The following PDHX variants were observed in gnomAD, a reference collection of about 807,000 sequenced individuals.
The protein encoded by PDHX is pyruvate dehydrogenase complex component X.
In PDHX, 33 loss-of-function variants were observed where a neutral mutation model predicts 55.3. The observed-to-expected ratio is 0.60, with a 90% confidence interval of 0.45 to 0.80. The LOEUF (loss-of-function observed/expected upper bound fraction) is 0.80, where lower values mean the gene tolerates loss of function less well. Among genes scored for constraint, PDHX ranks in the 30% least tolerant of loss-of-function variants. The pLI is 0.00. For synonymous variants in PDHX, 226 were observed against 219.4 expected (o/e 1.03, Z -0.27); for missense variants, 622 against 619.9 (o/e 1.00, Z -0.04).
intron 7 of PDHX, among the ~76,000 whole-genome samples, chr11:34,974,810 A>C (rs1383155675): frequency 1.3e-5 from 2 of 152,170 alleles, no homozygotes; most frequent in East Asian, 3.8e-4. Flanking sequence ...TGGGAGACTG[A>C]GGTGGGAGGA....
chr11:34,992,204 C>A lies in PDHX; in HGVS notation c.1183-111C>A, dbSNP rs779796364. On this transcript the variant is annotated intron_variant, in intron 9 of 10. Coordinates refer to ENST00000227868, the MANE Select transcript of PDHX (RefSeq NM_003477.3). ...ATTATTTTTATATAGGTAACAAAAT[C>A]AAATCAAGGCATATCAGAGATGAGA... is the stretch of plus-strand genomic sequence containing the variant. The A allele has an allele frequency of 1.1e-3, 679 of 645,362 alleles. 2 individuals carry two copies. Among genetic ancestry groups the A allele is most frequent in the Non-Finnish European group, 1.1e-3 (392 of 355,034 alleles). The allele number at this position is 645,362 out of a possible 1,614,324, so 40.0% of individuals were successfully genotyped here.
chr11:34,959,318 T>A (rs557888827), intron 4 of PDHX, among the ~76,000 whole-genome samples: 14 of 152,202 alleles, frequency 9.2e-5, no homozygotes, highest in African/African-American at 3.4e-4. Context: ...ATGAAAAATA[T>A]GTTCACCGTC....
intron 7 of PDHX, chr11:34,977,917 C>G: frequency 1.7e-6 from 1 of 597,526 alleles, no homozygotes; most frequent in Non-Finnish European, 3.1e-6. Context: ...AGTAAACTTA[C>G]ATTCATGGTT....
chr11:34,947,015 C>T (rs1161625495), intron 2 of PDHX, among the ~76,000 whole-genome samples: 1 of 151,682 alleles, frequency 6.6e-6, no homozygotes, highest in East Asian at 1.9e-4. Flanking sequence ...TTGATTTTCT[C>T]TTTTTATGCT....
chr11:34,930,759 A>G (rs1307901275), intron 1 of PDHX, among the ~76,000 whole-genome samples: 1 of 152,238 alleles, frequency 6.6e-6, no homozygotes, highest in Non-Finnish European at 1.5e-5. Flanking sequence ...TTTGAGGTCT[A>G]CTTCTCTGGA....
intron 2 of PDHX, among the ~76,000 whole-genome samples, chr11:34,942,655 G>T (rs1854516374): frequency 6.6e-6 from 1 of 152,096 alleles, no homozygotes; most frequent in African/African-American, 2.4e-5. Flanking sequence ...GTTTTCTTTT[G>T]GCATTTACAT....
chr11:34,918,636 A>G (rs1853802642), intron 1 of PDHX, among the ~76,000 whole-genome samples: 1 of 152,170 alleles, frequency 6.6e-6, no homozygotes, highest in Non-Finnish European at 1.5e-5. Flanking sequence ...AGGAAAGCCA[A>G]ATTAGTTTTC....
chr11:34,981,358 C>G (rs1386385406), intron 8 of PDHX, among the ~76,000 whole-genome samples: 1 of 152,200 alleles, frequency 6.6e-6, no homozygotes, highest in African/African-American at 2.4e-5. Flanking sequence ...GCATAGTATT[C>G]CATGGTGTAT....
chr11:34,920,729 T>C (rs1298124904), intron 1 of PDHX, among the ~76,000 whole-genome samples: 1 of 152,206 alleles, frequency 6.6e-6, no homozygotes, highest in Non-Finnish European at 1.5e-5. Flanking sequence ...GGTATTTGCA[T>C]CACCTCTAGT....
At chr11:34,975,191 T>TC (rs35176869) in intron 7 of PDHX, among the ~76,000 whole-genome samples, 106,482 of 151,876 alleles carry the variant, frequency 0.7, 37,521 homozygotes, top group Middle Eastern at 0.77. Flanking sequence ...TTCAAGATTT[T>TC]TGCATTACCA....
At chr11:34,954,904 T>C (rs1219926273) in intron 3 of PDHX, among the ~76,000 whole-genome samples, 2 of 152,194 alleles carry the variant, frequency 1.3e-5, no homozygotes, top group African/African-American at 4.8e-5. Context: ...TAAGGTCACA[T>C]AACTAGTAAG....
At chr11:34,959,171 G>T (rs1854966369) in intron 4 of PDHX, among the ~76,000 whole-genome samples, 1 of 151,574 alleles carries the variant, frequency 6.6e-6, no homozygotes, top group South Asian at 2.1e-4. Flanking sequence ...GTAATCTGAG[G>T]TATCCTATAT....
chr11:34,940,216 G>A (rs531299448), intron 2 of PDHX, among the ~76,000 whole-genome samples: 1 of 152,134 alleles, frequency 6.6e-6, no homozygotes, highest in African/African-American at 2.4e-5. Context: ...CACCCACAGT[G>A]CCTAGAATGT....
chr11:34,953,460 A>G (rs1854827443), intron 3 of PDHX, among the ~76,000 whole-genome samples: 1 of 152,354 alleles, frequency 6.6e-6, no homozygotes, highest in Non-Finnish European at 1.5e-5. Context: ...GGCTACAGTA[A>G]CCAAAACAGC....
intron 1 of PDHX, among the ~76,000 whole-genome samples, chr11:34,930,571 G>C (rs1465423094): frequency 6.6e-6 from 1 of 152,168 alleles, no homozygotes; most frequent in Non-Finnish European, 1.5e-5. Flanking sequence ...AAAGCTATAG[G>C]GGATGGACGT....
At chr11:34,973,123 T>G (rs553729470) in intron 7 of PDHX, among the ~76,000 whole-genome samples, 16 of 152,310 alleles carry the variant, frequency 1.1e-4, no homozygotes, top group African/African-American at 3.6e-4. Flanking sequence ...GATCTATTAT[T>G]GGCCACATAC....
intron 4 of PDHX, among the ~76,000 whole-genome samples, chr11:34,959,654 A>G (rs1264133223): frequency 6.6e-6 from 1 of 152,106 alleles, no homozygotes; most frequent in Non-Finnish European, 1.5e-5. Flanking sequence ...TGTTCATAGC[A>G]ACATTATTCA....
At chr11:34,918,829 AG>A (rs1046779703) in intron 1 of PDHX, among the ~76,000 whole-genome samples, 25 of 152,268 alleles carry the variant, frequency 1.6e-4, no homozygotes, top group African/African-American at 5.8e-4. Flanking sequence ...CAGATTCTAG[AG>A]GTTTCTAAGA....
chr11:34,949,955 T>A (rs1034966295), intron 3 of PDHX, among the ~76,000 whole-genome samples: 23 of 152,238 alleles, frequency 1.5e-4, no homozygotes, highest in African/African-American at 5.3e-4. Flanking sequence ...CAAATTTTTT[T>A]TAAAAAAATG....
Sources: gnomAD v4.1 joint callset for allele counts (sites outside exome capture counted in the v4.1 genomes callset) on GRCh38, gnomAD v4.1.1 for gene constraint, MANE v1.5 for transcripts, NCBI Gene and HGNC (gene_info 2026-07-23, HGNC 2026-07-21) for gene names.